The following JUP variants were observed in gnomAD, a reference collection of about 807,000 sequenced individuals.
JUP encodes catenin (cadherin-associated protein), gamma 80kDa.
Under a neutral mutation model 71.1 loss-of-function variants are expected in JUP, and 28 were observed. The observed-to-expected ratio is 0.39, with a 90% CI of 0.29 to 0.54. JUP has a LOEUF of 0.54. JUP is among the 20% of genes least tolerant of loss of function. The pLI is 0.62. For missense variants in JUP, 869 were observed against 1,030.1 expected (o/e 0.84, Z 2.14); for synonymous variants, 401 against 438.9 (o/e 0.91, Z 1.08).
chr17:41,757,283 T>C, intron 12 of JUP, 132 bp downstream of exon 12: 1 of 1,054,854 alleles, frequency 9.5e-7, no homozygotes, highest in Non-Finnish European at 1.5e-6. Context: ...CTGCTAGGAA[T>C]TGTTATAAAT....
chr17:41,757,799 C>T lies in JUP; in HGVS notation c.1774-15G>A, dbSNP rs1412920309. The stretch of plus-strand genomic sequence containing the variant: ...GAGTACAGGAGCTGGGGAGAGGGGA[C>T]GTGGGAAGCAGGGGAGAGGTGGAAA... On this transcript the variant is annotated splice_polypyrimidine_tract_variant and intron_variant, in intron 10 of 13. Transcript: ENST00000393931. 5 of 1,598,980 alleles carry T rather than the reference C, an allele frequency of 3.1e-6. No individual in the cohort carries two copies. The African/African-American group carries it at 4.0e-5, about 13-fold the overall frequency.
rs794729029 is a variant in JUP, at chr17:41,771,755, C to T, written c.100G>A (p.Val34Met). The stretch of plus-strand genomic sequence containing the variant: ...ATGCCCTTGCTGCTGACGGAGGGCA[C>T]GCAGGTGTTGGCGCCCGAGTGGATA... ...SGIHSGANTCVPSVSSKGIME... is the reference protein window; with the variant it reads ...SGIHSGANTCMPSVSSKGIME... The change falls in exon 2 of 14, where the codon GTG becomes ATG. Residue 34 changes from valine (V) to methionine (M), a missense_variant. Transcript: ENST00000393931. The T allele has an allele frequency of 6.8e-6, 11 of 1,614,118 alleles. No homozygotes were observed. In the South Asian group the frequency reaches 8.8e-5, roughly 13 times the overall value.
chr17:41,769,115 G>A lies in JUP; in HGVS notation c.561C>T (p.Ala187=), dbSNP rs139552714. Residue 187 remains alanine (A), a synonymous_variant, in exon 4 of 14, where the codon GCC becomes GCT. Transcript: ENST00000393931. ...RALMGSPQLV[A]AVVRTMQNTS... ...TATTCTGCATGGTACGCACGACAGC[G>A]GCCACCAGCTGGGGCGAGCCCATCA... 103 of 1,611,504 alleles carry A rather than the reference G, an allele frequency of 6.4e-5. No individual in the cohort carries two copies. Among genetic ancestry groups the A allele is most frequent in the Middle Eastern group, 1.6e-4 (1 of 6,068 alleles).
chr17:41,756,927 A>C (rs557551254), intron 12 of JUP, among the ~76,000 whole-genome samples: 3 of 152,256 alleles, frequency 2.0e-5, no homozygotes, highest in African/African-American at 7.2e-5. Flanking sequence ...TAAATAAATA[A>C]AAGAGGGGGC....
chr17:41,759,267 G>T (rs1056419053), intron 8 of JUP, among the ~76,000 whole-genome samples: 7 of 152,062 alleles, frequency 4.6e-5, no homozygotes. Context: ...TAGAGACGGG[G>T]TTTCGCCATG....
chr17:41,764,599 G>T (rs1270993646), intron 7 of JUP, 114 bp downstream of exon 7: 3 of 772,800 alleles, frequency 3.9e-6, no homozygotes, highest in African/African-American at 3.5e-5. Context: ...CAGTCACAAG[G>T]AAGAGAGATT....
chr17:41,771,562 T>C (rs1330535296), intron 2 of JUP, 85 bp downstream of exon 2: 1 of 1,290,728 alleles, frequency 7.7e-7, no homozygotes. Flanking sequence ...AGAGACCCCC[T>C]ACAATCTGCC....
chr17:41,755,630 C>G lies in JUP; in HGVS notation c.*114G>C, dbSNP rs1913569233. The G allele has an allele frequency of 9.5e-7, 1 of 1,052,976 alleles. No individual in the cohort carries two copies. Among genetic ancestry groups the G allele is most frequent in the East Asian group, 2.5e-5 (1 of 39,710 alleles). The allele number at this position is 1,052,976 out of a possible 1,614,324, so 65.2% of individuals were successfully genotyped here. ...TGGGGAAGCTCAGCAGCAAAGGATC[C>G]CCCCAAAAAAGGAGCGCAGGTTTCA... is the stretch of plus-strand genomic sequence containing the variant. On this transcript the variant is annotated 3_prime_UTR_variant, in exon 14 of 14. Transcript: ENST00000393931.
chr17:41,775,447 G>A (rs190900409), intron 1 of JUP, among the ~76,000 whole-genome samples: 364 of 152,340 alleles, frequency 2.4e-3, no homozygotes, highest in African/African-American at 8.2e-3. Flanking sequence ...TCTCTCACAA[G>A]AAACAAAAGT....
At chr17:41,757,189 C>A (rs1913959240) in intron 12 of JUP, among the ~76,000 whole-genome samples, 1 of 152,188 alleles carries the variant, frequency 6.6e-6, no homozygotes, top group Admixed American at 6.5e-5. Context: ...CAAAAAGGCA[C>A]CCCCACCTCA....
Position 41,769,461 on chromosome 17 carries a change from C to T in JUP, c.425G>A (p.Arg142His), listed in dbSNP as rs41283425. 0.049 allele frequency: 78,591 copies of T among 1,612,690 alleles called. 2,175 individuals are homozygous for T. The highest frequency in any genetic ancestry group is 0.097 in the Middle Eastern group (586 of 6,054). Reference sequence around the variant, plus strand: ...CAGTTTGGTGAGCTCGGGCAGGGCGCGAGTGGCCAGCTCGGCATCGTCCTG... The same window carrying T: ...CAGTTTGGTGAGCTCGGGCAGGGCGTGAGTGGCCAGCTCGGCATCGTCCTG... ...NYQDDAELAT[R>H]ALPELTKLLN... The change falls in exon 3 of 14, where the codon CGC (arginine) becomes CAC (histidine). Residue 142 changes from arginine (R) to histidine (H), a missense_variant. Arg to His is a conservative substitution (Grantham distance 29). Coordinates refer to ENST00000393931, the MANE Select transcript of JUP (RefSeq NM_002230.4).
At chr17:41,766,765 G>A (rs949201220) in intron 5 of JUP, among the ~76,000 whole-genome samples, 16 of 151,384 alleles carry the variant, frequency 1.1e-4, no homozygotes, top group African/African-American at 3.9e-4. Context: ...TGAAGCAGGA[G>A]AATCGCTTGA....
chr17:41,756,277 A>C, intron 12 of JUP, 63 bp from the exon 13 acceptor site: 19 of 1,520,806 alleles, frequency 1.2e-5, no homozygotes, highest in Non-Finnish European at 1.5e-5. Flanking sequence ...GCTGGATCTC[A>C]GCTGGTGGGC....
chr17:41,771,052 C>T lies in JUP; in HGVS notation c.208+595G>A, dbSNP rs145583855. On this transcript the variant is annotated intron_variant, in intron 2 of 13. Coordinates refer to ENST00000393931, the MANE Select transcript of JUP (RefSeq NM_002230.4). ...CTCTTTTTTTTACTATTTTTTGAGACGGAGTCTCACTCTGTCGCCCAGGCT... is the reference window on the plus strand; with the variant it reads ...CTCTTTTTTTTACTATTTTTTGAGATGGAGTCTCACTCTGTCGCCCAGGCT... 5.3e-5 allele frequency among the ~76,000 whole-genome samples: 8 copies of T among 152,262 alleles called. 1 individual carries two copies. The highest frequency in any genetic ancestry group is 6.8e-3 in the Middle Eastern group (2 of 294).
chr17:41,771,681 G>A lies in JUP; in HGVS notation c.174C>T (p.Thr58=), dbSNP rs1260866542. 3 of 1,613,932 alleles carry A rather than the reference G, an allele frequency of 1.9e-6. No individual in the cohort carries two copies. The highest frequency in any genetic ancestry group is 4.5e-5 in the East Asian group (2 of 44,886). Residue 58 remains threonine, a synonymous_variant, in exon 2 of 14, where the codon ACC becomes ACT. Transcript: ENST00000393931. ...GGGGCACCCCCTGGGTGTAAGTGGT[G>A]GTTTTCTTGAGCGTGTACTGGCGCC... ...ACGRQYTLKK[T]TTYTQGVPPS...
chr17:41,761,905 C>A (rs1555601385), intron 8 of JUP, among the ~76,000 whole-genome samples: 1 of 151,684 alleles, frequency 6.6e-6, no homozygotes, highest in African/African-American at 2.4e-5. Flanking sequence ...CCCATCTCTA[C>A]TAAAAATACA....
In JUP at chr17:41,758,716, G is replaced by A. The variant is rs1038719021; in HGVS notation, c.1652C>T (p.Thr551Met). Residue 551 changes from threonine to methionine, a missense_variant and splice_region_variant, in exon 9 of 14, where the codon ACG (threonine) becomes ATG (methionine). Physicochemically the swap from Thr to Met is moderately conservative, Grantham distance 81. Transcript: ENST00000393931. ...CAGAGGCACCACCAGCTCACATACC[G>A]TGTAGGGCTGCTGTGTGCCTGCAGC... is the stretch of plus-strand genomic sequence containing the variant. ...HVAAGTQQPY[T>M]DGVRMEEIVE... The A allele has an allele frequency of 3.6e-5, 57 of 1,599,136 alleles. No homozygotes were observed. The highest frequency in any genetic ancestry group is 4.5e-5 in the Non-Finnish European group (53 of 1,173,226).
chr17:41,764,004 C>T (rs1006135041), intron 7 of JUP, among the ~76,000 whole-genome samples: 3 of 152,138 alleles, frequency 2.0e-5, no homozygotes, highest in Non-Finnish European at 4.4e-5. Context: ...ATCTAACCCA[C>T]AGGGTCCCAC....
At chr17:41,779,027 G>A (rs2047028011) in intron 1 of JUP, among the ~76,000 whole-genome samples, 1 of 151,884 alleles carries the variant, frequency 6.6e-6, no homozygotes, top group Non-Finnish European at 1.5e-5. Context: ...ACAAGGTCTG[G>A]AGTTTGAAAC....
Sources: gnomAD v4.1 joint callset for allele counts (sites outside exome capture counted in the v4.1 genomes callset) on GRCh38, gnomAD v4.1.1 for gene constraint, MANE v1.5 for transcripts, NCBI Gene and HGNC (gene_info 2026-07-23, HGNC 2026-07-21) for gene names.